IL17RA: variants seen among roughly 807,000 people sequenced by gnomAD.
IL17RA encodes the protein interleukin-17 receptor A.
Under a neutral mutation model 50.4 loss-of-function variants are expected in IL17RA, and 34 were observed. The observed-to-expected ratio is 0.67, with a 90% confidence interval of 0.51 to 0.90. The LOEUF (loss-of-function observed/expected upper bound fraction) is 0.90. Among genes scored for constraint, IL17RA ranks in the 40% least tolerant of loss-of-function variants. IL17RA has a pLI of 0.00. For missense variants in IL17RA, 1,276 were observed against 1,169.8 expected (o/e 1.09, Z -1.32); for synonymous variants, 585 against 510.4 (o/e 1.15, Z -1.97).
chr22:17,106,186 TGTA>T (rs1480594291), intron 11 of IL17RA, among the ~76,000 whole-genome samples: 2 of 152,250 alleles, frequency 1.3e-5, no homozygotes, highest in Non-Finnish European at 2.9e-5. Context: ...TGTTATCAAA[TGTA>T]GTATTATTAA....
At chr22:17,094,606 CTG>C (rs1211878130) in intron 1 of IL17RA, among the ~76,000 whole-genome samples, 1 of 139,796 alleles carries the variant, frequency 7.2e-6, no homozygotes, top group East Asian at 2.1e-4. Context: ...CCCCAGCAAA[CTG>C]TGTTAACACC....
In IL17RA at chr22:17,109,433, C is replaced by T. The variant is rs769394689; in HGVS notation, c.2214C>T (p.Asp738=). 8.1e-6 allele frequency: 13 copies of T among 1,613,216 alleles called. No homozygotes were observed. Among genetic ancestry groups the T allele is most frequent in the East Asian group, 2.2e-5 (1 of 44,890 alleles). ...GCAGCACCCCCATGGCGTCTCCTGA[C>T]CTCCTTCCAGAGGACGTGAGGGAGC... The part of the protein sequence containing the change: ...LGSSTPMASP[D]LLPEDVREHL... Residue 738 remains aspartate, a synonymous_variant, in exon 13 of 13, where the codon GAC becomes GAT. Transcript: ENST00000319363.
At position 17,107,820 on chromosome 22, in the gene IL17RA, T is replaced by C. The variant is rs1435943132; in HGVS notation, c.1087+52T>C. 8 of 1,536,640 alleles carry C rather than the reference T, an allele frequency of 5.2e-6. No homozygotes were observed. The South Asian group carries it at 8.9e-5, about 17-fold the overall frequency. ...GCTTATTTTTAAAGCAGTGGAGGGTTCTCCTGGGATAAGTGCGTGGGTCGC... is the reference window on the plus strand; with the variant it reads ...GCTTATTTTTAAAGCAGTGGAGGGTCCTCCTGGGATAAGTGCGTGGGTCGC... On this transcript the variant is annotated intron_variant, in intron 12 of 12. Coordinates refer to ENST00000319363, the MANE Select transcript of IL17RA (RefSeq NM_014339.7).
chr22:17,094,691 C>CTCTCTCTCTCTCTCTATATA (rs1448096911), intron 1 of IL17RA, among the ~76,000 whole-genome samples: 7 of 24,704 alleles, frequency 2.8e-4, no homozygotes, highest in Non-Finnish European at 4.0e-4. Context: ...CTCTCTCTCT[C>CTCTCTCTCTCTCTCTATATA]TATATATATA....
chr22:17,111,681 G>A lies in IL17RA; in HGVS notation c.*1861G>A, dbSNP rs886057220. ...TATATTTCCAACCTCCAGTGAGGAG[G>A]AGAAGATTCGGAAATGTGACAGGAG... is the stretch of plus-strand genomic sequence containing the variant. On this transcript the variant is annotated 3_prime_UTR_variant, in exon 13 of 13. Coordinates refer to ENST00000319363, the MANE Select transcript of IL17RA (RefSeq NM_014339.7). 1 of 152,194 alleles carries A rather than the reference G, an allele frequency of 6.6e-6. No homozygotes were observed. Among genetic ancestry groups the A allele is most frequent in the South Asian group, 2.1e-4 (1 of 4,822 alleles). The allele number at this position is 152,194 out of a possible 1,614,324, so 9.4% of individuals were successfully genotyped here. A position where few individuals can be genotyped will look rare whatever the true frequency, so the allele number is the denominator to read the frequency against.
Position 17,102,417 on chromosome 22 carries a change from C to T in IL17RA, c.762+115C>T, listed in dbSNP as rs546133354. ...GTTGCTAGAAGCTCGCGACTCAGGG[C>T]TGTGCTTAGTCCATAGTGATCATGG... On this transcript the variant is annotated intron_variant, in intron 7 of 12. Transcript: ENST00000319363. 8.0e-6 allele frequency: 9 copies of T among 1,124,970 alleles called. No individual in the cohort carries two copies. The East Asian group carries it at 1.6e-4, about 20-fold the overall frequency. The allele number at this position is 1,124,970 out of a possible 1,614,324, so 69.7% of individuals were successfully genotyped here. A position where few individuals can be genotyped will look rare whatever the true frequency, so the allele number is the denominator to read the frequency against.
intron 5 of IL17RA, among the ~76,000 whole-genome samples, chr22:17,101,495 C>T (rs1185453427): frequency 6.6e-6 from 1 of 152,188 alleles, no homozygotes; most frequent in East Asian, 1.9e-4. Context: ...GGGGGCAGGG[C>T]TTTGTCTTGT....
In IL17RA at chr22:17,091,937, T is replaced by C. The variant is rs535090291; in HGVS notation, c.139-5125T>C. ...CATAGAACTCCTAAAATCCTTAGAA[T>C]CTCCAAAATTGTATCTTTTATATAC... On this transcript the variant is annotated intron_variant, in intron 1 of 12. Coordinates refer to ENST00000319363, the MANE Select transcript of IL17RA (RefSeq NM_014339.7). Among the ~76,000 whole-genome samples the C allele has an allele frequency of 3.4e-4, 52 of 152,278 alleles. 1 individual carries two copies. The highest frequency in any genetic ancestry group is 1.1e-3 in the African/African-American group (47 of 41,560).
chr22:17,090,515 CAGT>C (rs1473695334), intron 1 of IL17RA, among the ~76,000 whole-genome samples: 1 of 152,124 alleles, frequency 6.6e-6, no homozygotes, highest in African/African-American at 2.4e-5. Context: ...AAACAAAAAA[CAGT>C]AGATCCCTGC....
intron 8 of IL17RA, among the ~76,000 whole-genome samples, chr22:17,104,411 G>C (rs2061405353): frequency 6.6e-6 from 1 of 151,884 alleles, no homozygotes; most frequent in East Asian, 1.9e-4. Context: ...GTGTGGACGG[G>C]AGTGGGGAGC....
chr22:17,103,481 CCT>C lies in IL17RA; in HGVS notation c.763-7_763-6del. The C allele has an allele frequency of 6.2e-7, 1 of 1,612,650 alleles. No homozygotes were observed. Reference sequence around the variant, plus strand: ...TCCCAACTAGCCTTACCCATCCTCGCCTCTCTCCTCAGCCCAGACCAGAAGAG... The same window carrying C: ...TCCCAACTAGCCTTACCCATCCTCGCCTCTCCTCAGCCCAGACCAGAAGAG... On this transcript the variant is annotated splice_polypyrimidine_tract_variant and intron_variant, in intron 7 of 12. Transcript: ENST00000319363.
At chr22:17,099,286 C>T (rs373755646) in intron 4 of IL17RA, among the ~76,000 whole-genome samples, 14 of 152,194 alleles carry the variant, frequency 9.2e-5, no homozygotes, top group South Asian at 2.1e-4. Flanking sequence ...AAGAAAAAAC[C>T]GCCCAGACCA....
intron 8 of IL17RA, 127 bp downstream of exon 8, chr22:17,103,704 G>C (rs1394068450): frequency 1.3e-6 from 1 of 776,144 alleles, no homozygotes. Context: ...CACAGGTGGA[G>C]AGAGTGGTGT....
rs1258808182 is a variant in IL17RA, at chr22:17,105,584, A to G, written c.932-7A>G. 2 of 1,613,086 alleles carry G rather than the reference A, an allele frequency of 1.2e-6. No individual in the cohort carries two copies. The highest frequency in any genetic ancestry group is 2.2e-5 in the East Asian group (1 of 44,880). ...TATTTTCCCTTTTTCCTCTGTTCTCATTGCAGAACCAATTCCGGGTAAGCT... is the reference window on the plus strand; with the variant it reads ...TATTTTCCCTTTTTCCTCTGTTCTCGTTGCAGAACCAATTCCGGGTAAGCT... On this transcript the variant is annotated splice_region_variant and splice_polypyrimidine_tract_variant and intron_variant, in intron 9 of 12. Coordinates refer to ENST00000319363, the MANE Select transcript of IL17RA (RefSeq NM_014339.7).
chr22:17,102,961 A>C (rs2061397148), intron 7 of IL17RA, among the ~76,000 whole-genome samples: 1 of 152,142 alleles, frequency 6.6e-6, no homozygotes, highest in African/African-American at 2.4e-5. Context: ...GACCAACATG[A>C]TGAAACCCCA....
At chr22:17,094,711 A>ATATATATATATGTG (rs1601339097) in intron 1 of IL17RA, among the ~76,000 whole-genome samples, 1 of 95,350 alleles carries the variant, frequency 1.0e-5, no homozygotes, top group Non-Finnish European at 2.0e-5. Flanking sequence ...ATATATATAT[A>ATATATATATATGTG]TATATATTCA....
At chr22:17,087,258 A>G (rs113119865) in intron 1 of IL17RA, among the ~76,000 whole-genome samples, 1 of 152,160 alleles carries the variant, frequency 6.6e-6, no homozygotes. Flanking sequence ...GAGGACCTGG[A>G]TTTGCAGGCA....
intron 7 of IL17RA, 88 bp from the exon 8 acceptor site, chr22:17,103,406 C>A: frequency 9.6e-7 from 1 of 1,039,744 alleles, no homozygotes; most frequent in Non-Finnish European, 1.5e-6. Context: ...CTCTGGACAG[C>A]CTCTCCATGG....
In IL17RA at chr22:17,112,991, TTTTTTTTTG is replaced by T. The variant is rs1450566116; in HGVS notation, c.*3180_*3188del. 1 of 42,558 alleles carries T rather than the reference TTTTTTTTTG, an allele frequency of 2.3e-5. No homozygotes were observed. Among genetic ancestry groups the T allele is most frequent in the Admixed American group, 2.0e-4 (1 of 5,096 alleles). 2.6% of individuals were successfully genotyped at this position (42,558 alleles called of 1,614,324 possible). A position where few individuals can be genotyped will look rare whatever the true frequency, so the allele number is the denominator to read the frequency against. The stretch of plus-strand genomic sequence containing the variant: ...TCCTGCCTACTATCTTGATCCTAGT[TTTTTTTTTG>T]TTTTTTTTTTTTTTAAGGAATAATT... On this transcript the variant is annotated 3_prime_UTR_variant, in exon 13 of 13. Coordinates refer to ENST00000319363, the MANE Select transcript of IL17RA (RefSeq NM_014339.7).
Sources: allele counts gnomAD v4.1 joint callset (sites outside exome capture counted in the v4.1 genomes callset), GRCh38; gene constraint gnomAD v4.1.1; transcripts MANE v1.5; gene names NCBI Gene and HGNC (gene_info 2026-07-23, HGNC 2026-07-21).